Variants in GRM8 observed in about 807,000 individuals in gnomAD.
The protein encoded by GRM8 is glutamate metabotropic receptor 8.
In GRM8, 47 loss-of-function variants were observed where a neutral mutation model predicts 87.2. The ratio of observed to expected loss-of-function variants is 0.54; its 90% CI spans 0.43 to 0.69. The LOEUF (loss-of-function observed/expected upper bound fraction) is 0.69, where lower values mean the gene tolerates loss of function less well. Among genes scored for constraint, GRM8 ranks in the 30% least tolerant of loss-of-function variants. GRM8 has a pLI of 0.00. For synonymous variants in GRM8, 396 were observed against 404.5 expected (o/e 0.98, Z 0.25); for missense variants, 1,019 against 1,139.2 (o/e 0.89, Z 1.52).
At chr7:126,954,607 T>C (rs1808491102) in intron 3 of GRM8, among the ~76,000 whole-genome samples, 1 of 152,220 alleles carries the variant, frequency 6.6e-6, no homozygotes, top group Non-Finnish European at 1.5e-5. Context: ...CCTGGACTTT[T>C]ATATAGATTC....
chr7:126,501,825 C>T (rs773874083), intron 9 of GRM8, among the ~76,000 whole-genome samples: 6 of 151,870 alleles, frequency 4.0e-5, no homozygotes, highest in African/African-American at 7.3e-5. Flanking sequence ...CAGGAAGAGT[C>T]GGGGCAGGTC....
chr7:126,713,787 T>C (rs957608818), intron 7 of GRM8, among the ~76,000 whole-genome samples: 2 of 151,974 alleles, frequency 1.3e-5, no homozygotes, highest in African/African-American at 2.4e-5. Flanking sequence ...GGGTACAGCA[T>C]GGGTGGGGAT....
chr7:126,643,696 A>G (rs1358637105), intron 7 of GRM8, among the ~76,000 whole-genome samples: 15 of 152,058 alleles, frequency 9.9e-5, no homozygotes. Context: ...CTGATGTTCA[A>G]GAAAAACTGT....
intron 7 of GRM8, among the ~76,000 whole-genome samples, chr7:126,625,391 C>T (rs1489128473): frequency 1.3e-5 from 2 of 151,536 alleles, no homozygotes; most frequent in Non-Finnish European, 2.9e-5. Flanking sequence ...AATGTGTGCC[C>T]AATTTTAGGT....
At chr7:127,091,746 C>T in intron 3 of GRM8, among the ~76,000 whole-genome samples, 3 of 141,040 alleles carry the variant, frequency 2.1e-5, no homozygotes, top group African/African-American at 2.7e-5. Flanking sequence ...CACTGGTCAT[C>T]CCTCCCGTCC....
chr7:126,653,979 T>C (rs1804227918), intron 7 of GRM8, among the ~76,000 whole-genome samples: 1 of 152,194 alleles, frequency 6.6e-6, no homozygotes, highest in African/African-American at 2.4e-5. Context: ...GATTTGAAAG[T>C]CACAAAAGCA....
intron 9 of GRM8, among the ~76,000 whole-genome samples, chr7:126,516,291 A>G (rs560706684): frequency 6.6e-6 from 1 of 151,932 alleles, no homozygotes; most frequent in East Asian, 1.9e-4. Context: ...AAAATTTAAC[A>G]TAACATCTGC....
chr7:127,035,729 T>C (rs2132341426), intron 3 of GRM8, among the ~76,000 whole-genome samples: 1 of 152,266 alleles, frequency 6.6e-6, no homozygotes, highest in South Asian at 2.1e-4. Context: ...TGTTTCTTAA[T>C]CCCCACAGAT....
intron 10 of GRM8, among the ~76,000 whole-genome samples, chr7:126,440,156 GT>G (rs1401671905): frequency 6.6e-6 from 1 of 151,948 alleles, no homozygotes; most frequent in Non-Finnish European, 1.5e-5. Context: ...ACTCACGTCT[GT>G]AATCCCAGCA....
At position 126,690,072 on chromosome 7, in the gene GRM8, C is replaced by T. The variant is rs556664984; in HGVS notation, c.1357+79793G>A. ...CAGGGCTAAACTTCTTGTGTTGGAG[C>T]TGGGAATTGCTTCTGATTTTATTCC... is the stretch of plus-strand genomic sequence containing the variant. On this transcript the variant is annotated intron_variant, in intron 7 of 10. Coordinates refer to ENST00000339582, the MANE Select transcript of GRM8 (RefSeq NM_000845.3). 2.0e-5 allele frequency among the ~76,000 whole-genome samples: 3 copies of T among 152,268 alleles called. No homozygotes were observed. The East Asian group carries it at 5.8e-4, about 29-fold the overall frequency.
chr7:126,999,682 T>C (rs1375990089), intron 3 of GRM8, among the ~76,000 whole-genome samples: 1 of 151,664 alleles, frequency 6.6e-6, no homozygotes, highest in African/African-American at 2.4e-5. Flanking sequence ...AAAACTGCAA[T>C]GATATATCAT....
intron 10 of GRM8, among the ~76,000 whole-genome samples, chr7:126,442,120 G>A (rs560295912): frequency 5.3e-5 from 8 of 152,016 alleles, no homozygotes; most frequent in Non-Finnish European, 1.2e-4. Flanking sequence ...TGGAACAGCT[G>A]TAGTCTGGAA....
intron 2 of GRM8, among the ~76,000 whole-genome samples, chr7:127,233,188 G>A (rs1797795128): frequency 6.6e-6 from 1 of 152,130 alleles, no homozygotes; most frequent in African/African-American, 2.4e-5. Flanking sequence ...TCTTGCTTAA[G>A]GTAACACAGT....
chr7:126,922,240 A>G (rs539155844), intron 3 of GRM8, among the ~76,000 whole-genome samples: 56 of 152,296 alleles, frequency 3.7e-4, no homozygotes, highest in African/African-American at 1.3e-3. Flanking sequence ...TGCAACATCA[A>G]ATGCAGAATC....
chr7:126,545,843 T>C (rs1817093982), intron 8 of GRM8, among the ~76,000 whole-genome samples: 1 of 152,210 alleles, frequency 6.6e-6, no homozygotes, highest in African/African-American at 2.4e-5. Context: ...TACATTTCTT[T>C]TTTCCATGTA....
chr7:126,769,056 G>A (rs746966735), intron 7 of GRM8, among the ~76,000 whole-genome samples: 6 of 152,022 alleles, frequency 3.9e-5, no homozygotes, highest in East Asian at 3.9e-4. Context: ...AGTGCTGTGC[G>A]TGTCTCAAGG....
At chr7:127,164,974 AG>A (rs1793345943) in intron 2 of GRM8, among the ~76,000 whole-genome samples, 1 of 151,614 alleles carries the variant, frequency 6.6e-6, no homozygotes, top group Non-Finnish European at 1.5e-5. Context: ...GGCTAATACT[AG>A]GCATTCAGTC....
At chr7:127,191,814 A>T (rs775950600) in intron 2 of GRM8, among the ~76,000 whole-genome samples, 1 of 152,192 alleles carries the variant, frequency 6.6e-6, no homozygotes, top group African/African-American at 2.4e-5. Flanking sequence ...ATGATGAAGA[A>T]TATACTGTGA....
chr7:126,570,814 G>C (rs1794629998), intron 8 of GRM8, among the ~76,000 whole-genome samples: 1 of 152,144 alleles, frequency 6.6e-6, no homozygotes, highest in Admixed American at 6.6e-5. Flanking sequence ...GAAAATAGGT[G>C]TCTAGTTGAT....
Sources: gnomAD v4.1 joint callset for allele counts (sites outside exome capture counted in the v4.1 genomes callset) on GRCh38, gnomAD v4.1.1 for gene constraint, MANE v1.5 for transcripts, NCBI Gene and HGNC (gene_info 2026-07-23, HGNC 2026-07-21) for gene names.